SORBS2: variants seen among roughly 807,000 people sequenced by gnomAD.
SORBS2 encodes sorbin and SH3 domain containing 2.
SORBS2 carries 46 observed loss-of-function variants against 97.7 expected under a neutral mutation model. That is an observed-to-expected ratio of 0.47 (90% CI 0.37 to 0.60). The LOEUF (loss-of-function observed/expected upper bound fraction) is 0.60. Ranked by LOEUF, SORBS2 falls within the 20% of genes least tolerant of loss-of-function variation. The pLI is 0.00. For synonymous variants in SORBS2, 476 were observed against 473.4 expected (o/e 1.01, Z -0.07); for missense variants, 1,316 against 1,282.3 (o/e 1.03, Z -0.40).
At chr4:185,944,106 A>G (rs1020138841) in intron 1 of SORBS2, among the ~76,000 whole-genome samples, 2 of 152,220 alleles carry the variant, frequency 1.3e-5, no homozygotes, top group African/African-American at 4.8e-5. Context: ...AAACTATTTT[A>G]TTAAATCTCC....
chr4:185,865,099 G>T (rs1261714909), intron 1 of SORBS2, among the ~76,000 whole-genome samples: 1 of 152,018 alleles, frequency 6.6e-6, no homozygotes, highest in East Asian at 1.9e-4. Flanking sequence ...GCTCAGTTTC[G>T]ACATTACCAT....
intron 1 of SORBS2, among the ~76,000 whole-genome samples, chr4:185,954,261 A>G (rs1167654795): frequency 6.6e-6 from 1 of 152,208 alleles, no homozygotes; most frequent in Non-Finnish European, 1.5e-5. Context: ...ACACCTTCTC[A>G]AAAGCAATGC....
chr4:185,616,969 G>A (rs1330578576), intron 9 of SORBS2, among the ~76,000 whole-genome samples: 3 of 152,074 alleles, frequency 2.0e-5, no homozygotes, highest in South Asian at 2.1e-4. Context: ...GGCTGGTCTC[G>A]AACTTCTGAC....
chr4:185,697,655 T>A (rs1359305371), intron 2 of SORBS2, among the ~76,000 whole-genome samples: 2 of 152,222 alleles, frequency 1.3e-5, no homozygotes, highest in Non-Finnish European at 2.9e-5. Flanking sequence ...CCGAAAGCGA[T>A]GGCTGAATGG....
At chr4:185,913,247 A>C (rs1237572899) in intron 1 of SORBS2, among the ~76,000 whole-genome samples, 1 of 152,242 alleles carries the variant, frequency 6.6e-6, no homozygotes, top group Non-Finnish European at 1.5e-5. Flanking sequence ...TATATAAAAC[A>C]GAGTCATGAT....
At chr4:185,775,550 C>T (rs1173701864) in intron 1 of SORBS2, 184 bp from the exon 2 acceptor site, 1 of 152,118 alleles carries the variant, frequency 6.6e-6, no homozygotes, top group Non-Finnish European at 1.5e-5. Flanking sequence ...GAGAAAACAC[C>T]AACCAGGAAA....
intron 8 of SORBS2, 22 bp downstream of exon 20, chr4:185,620,041 C>A: frequency 2.1e-6 from 3 of 1,437,046 alleles, no homozygotes; most frequent in Non-Finnish European, 2.9e-6. Flanking sequence ...GTGAAAGACT[C>A]CAATGCTATT....
chr4:185,838,903 G>A (rs1035530752), intron 1 of SORBS2, among the ~76,000 whole-genome samples: 3 of 152,094 alleles, frequency 2.0e-5, no homozygotes, highest in African/African-American at 7.2e-5. Context: ...TCACAAAGAC[G>A]TGTGCTCAGC....
intron 2 of SORBS2, among the ~76,000 whole-genome samples, chr4:185,702,257 G>T (rs1442579379): frequency 1.3e-5 from 2 of 152,158 alleles, no homozygotes; most frequent in Non-Finnish European, 2.9e-5. Context: ...TTTTAGAGAG[G>T]CCTCATGATG....
intron 4 of SORBS2, among the ~76,000 whole-genome samples, chr4:185,630,821 T>C (rs2096894541): frequency 6.6e-6 from 1 of 152,232 alleles, no homozygotes; most frequent in Admixed American, 6.5e-5. Context: ...ATTGCAGTTC[T>C]CTGTGTAGCT....
chr4:185,931,812 G>GACAC (rs56398253), intron 1 of SORBS2, among the ~76,000 whole-genome samples: 4 of 150,778 alleles, frequency 2.7e-5, no homozygotes, highest in African/African-American at 7.3e-5. Context: ...GAGACAGACA[G>GACAC]ACACACACAC....
At chr4:185,745,387 G>C (rs1032358345) in intron 2 of SORBS2, among the ~76,000 whole-genome samples, 1 of 152,058 alleles carries the variant, frequency 6.6e-6, no homozygotes, top group Non-Finnish European at 1.5e-5. Flanking sequence ...ATATTTTTTA[G>C]ACAGTTGTCT....
chr4:185,914,063 T>G (rs1257874346), intron 1 of SORBS2, among the ~76,000 whole-genome samples: 1 of 152,156 alleles, frequency 6.6e-6, no homozygotes, highest in Non-Finnish European at 1.5e-5. Context: ...AAAACAAGTA[T>G]GTTTTAAAGT....
chr4:185,882,822 A>G (rs1276873524), intron 1 of SORBS2, among the ~76,000 whole-genome samples: 2 of 152,224 alleles, frequency 1.3e-5, no homozygotes, highest in African/African-American at 4.8e-5. Context: ...ACAAGAAAGG[A>G]TAGTTTTTTC....
At chr4:185,708,116 A>T (rs1452143655) in intron 2 of SORBS2, among the ~76,000 whole-genome samples, 1 of 152,178 alleles carries the variant, frequency 6.6e-6, no homozygotes, top group African/African-American at 2.4e-5. Context: ...CCCTCATAAA[A>T]TCAGATCATG....
chr4:185,772,355 C>T (rs2098976431), intron 2 of SORBS2: 1 of 152,086 alleles, frequency 6.6e-6, no homozygotes, highest in Admixed American at 6.6e-5. Context: ...TTGCAATGTT[C>T]CCTTGGAGTA....
chr4:185,868,159 C>CTTTCTTTTTTTTTTTTTTTT (rs59057506), intron 1 of SORBS2, among the ~76,000 whole-genome samples: 3 of 105,222 alleles, frequency 2.9e-5, no homozygotes, highest in Admixed American at 1.1e-4. Context: ...TTTTTTCTTT[C>CTTTCTTTTTTTTTTTTTTTT]TTTTTTTTTT....
In SORBS2 at chr4:185,717,093, G is replaced by A. The variant is rs148766265; in HGVS notation, c.-197-38271C>T. ...CTTCCTGCAACACTACCCACCACAG[G>A]TTCACTGTATTGGAAGTATACTGAG... On this transcript the variant is annotated intron_variant, in intron 2 of 20. Coordinates refer to the SORBS2 transcript ENST00000284776. Among the ~76,000 whole-genome samples the A allele has an allele frequency of 3.0e-4, 45 of 152,302 alleles. No homozygotes were observed. In the East Asian group the frequency reaches 4.4e-3, roughly 15 times the overall value.
At chr4:185,672,460 T>G (rs998606087) in intron 4 of SORBS2, among the ~76,000 whole-genome samples, 8 of 152,242 alleles carry the variant, frequency 5.3e-5, no homozygotes, top group African/African-American at 1.9e-4. Flanking sequence ...ATACCTTCAC[T>G]TACTTGACAT....
Sources: allele counts gnomAD v4.1 joint callset (sites outside exome capture counted in the v4.1 genomes callset), GRCh38; gene constraint gnomAD v4.1.1; transcripts MANE v1.5; gene names NCBI Gene and HGNC (gene_info 2026-07-23, HGNC 2026-07-21).